The following TENM2 variants were observed in gnomAD, a reference collection of about 807,000 sequenced individuals.
The protein encoded by TENM2 is teneurin-2.
A neutral mutation model predicts 245.2 loss-of-function variants in TENM2; 52 were observed. The observed-to-expected ratio is 0.21, with a 90% CI of 0.17 to 0.27. The LOEUF (loss-of-function observed/expected upper bound fraction) is 0.27. Among genes scored for constraint, TENM2 ranks in the 10% least tolerant of loss-of-function variants. The pLI, the probability that TENM2 is intolerant of heterozygous loss-of-function variation, is 1.00. For missense variants in TENM2, 3,046 were observed against 3,666.8 expected (o/e 0.83, Z 4.37); for synonymous variants, 1,363 against 1,438.9 (o/e 0.95, Z 1.19).
chr5:168,100,254 G>T (rs1157917864), intron 9 of TENM2, among the ~76,000 whole-genome samples: 1 of 152,186 alleles, frequency 6.6e-6, no homozygotes, highest in East Asian at 1.9e-4. Flanking sequence ...AGAGGATCTG[G>T]AGAAATAGGA....
At chr5:167,547,720 G>A (rs1178165708) in intron 2 of TENM2, among the ~76,000 whole-genome samples, 1 of 152,178 alleles carries the variant, frequency 6.6e-6, no homozygotes, top group East Asian at 1.9e-4. Context: ...GCTGAGTATA[G>A]CCTCATAATA....
chr5:168,020,805 G>A (rs1436897569), intron 5 of TENM2, among the ~76,000 whole-genome samples: 4 of 152,028 alleles, frequency 2.6e-5, no homozygotes, highest in African/African-American at 7.3e-5. Context: ...GCCTGATATC[G>A]TTAGAAAGGT....
chr5:167,328,239 G>C (rs1434576106), intron 1 of TENM2, among the ~76,000 whole-genome samples: 1 of 52,698 alleles, frequency 1.9e-5, no homozygotes, highest in Non-Finnish European at 3.4e-5. Context: ...ATGGATTTTT[G>C]CTCTGTCGCC....
intron 1 of TENM2, chr5:167,308,165 T>A (rs1755792401): frequency 6.6e-6 from 1 of 152,280 alleles, no homozygotes; most frequent in African/African-American, 2.4e-5. Flanking sequence ...TCTGCACTAA[T>A]CTTTCAGCAA....
chr5:167,396,261 T>C (rs1432279662), intron 2 of TENM2, among the ~76,000 whole-genome samples: 2 of 152,074 alleles, frequency 1.3e-5, no homozygotes, highest in African/African-American at 2.4e-5. Context: ...ATACATACAA[T>C]AGAATATTAT....
At chr5:167,246,633 T>C in the TENM2 span, among the ~76,000 whole-genome samples, 1 of 152,116 alleles carries the variant, frequency 6.6e-6, no homozygotes, top group Non-Finnish European at 1.5e-5. Flanking sequence ...TCAAATTCTT[T>C]TGTGCCTTGA....
At chr5:167,950,420 C>T (rs542735064) in intron 3 of TENM2, among the ~76,000 whole-genome samples, 1 of 152,160 alleles carries the variant, frequency 6.6e-6, no homozygotes, top group African/African-American at 2.4e-5. Flanking sequence ...CTTTATATGG[C>T]CTCTTTGTAC....
chr5:167,078,131 G>A, the TENM2 span, among the ~76,000 whole-genome samples: 5 of 152,000 alleles, frequency 3.3e-5, no homozygotes, highest in African/African-American at 7.3e-5. Context: ...GGTCAAGTGG[G>A]TATGTTTGTG....
intron 2 of TENM2, among the ~76,000 whole-genome samples, chr5:167,602,589 A>C (rs1378688912): frequency 1.3e-5 from 2 of 152,218 alleles, no homozygotes; most frequent in Non-Finnish European, 2.9e-5. Flanking sequence ...AGACTTGCTC[A>C]AGTCCATTGA....
At chr5:167,752,762 G>T (rs1203830703) in intron 2 of TENM2, among the ~76,000 whole-genome samples, 1 of 152,150 alleles carries the variant, frequency 6.6e-6, no homozygotes, top group Non-Finnish European at 1.5e-5. Context: ...AAATAAAGTG[G>T]TTAGGCTGAC....
At chr5:168,212,764 G>A (rs550254242) in intron 20 of TENM2, among the ~76,000 whole-genome samples, 1 of 152,256 alleles carries the variant, frequency 6.6e-6, no homozygotes, top group East Asian at 1.9e-4. Flanking sequence ...CATTTTTCCA[G>A]GAAATTCACC....
chr5:167,626,824 C>T (rs1242389604), intron 2 of TENM2, among the ~76,000 whole-genome samples: 1 of 152,160 alleles, frequency 6.6e-6, no homozygotes, highest in South Asian at 2.1e-4. Context: ...ACACCAGCCC[C>T]AACTGACAAG....
the TENM2 span, among the ~76,000 whole-genome samples, chr5:167,183,094 G>T: frequency 1.3e-5 from 2 of 152,092 alleles, no homozygotes; most frequent in African/African-American, 4.8e-5. Flanking sequence ...TGCATTTAAA[G>T]GCCCATTATG....
At chr5:168,038,715 C>G (rs1787920510) in intron 5 of TENM2, among the ~76,000 whole-genome samples, 1 of 152,192 alleles carries the variant, frequency 6.6e-6, no homozygotes, top group African/African-American at 2.4e-5. Context: ...TTGACATGAA[C>G]CTGGCATATA....
Position 167,966,192 on chromosome 5 carries a change from A to G in TENM2, c.947+13370A>G, listed in dbSNP as rs140531608. ...GTGGTGGCAGCATAGCATATGATTTACGGGGAGAGGTTTTATGCCCTGCAT... is the reference window on the plus strand; with the variant it reads ...GTGGTGGCAGCATAGCATATGATTTGCGGGGAGAGGTTTTATGCCCTGCAT... On this transcript the variant is annotated intron_variant, in intron 4 of 28. Transcript: ENST00000518659. Among the ~76,000 whole-genome samples, 730 of 152,352 alleles carry G rather than the reference A, an allele frequency of 4.8e-3. 1 individual carries two copies. Among genetic ancestry groups the G allele is most frequent in the Non-Finnish European group, 6.5e-3 (443 of 68,026 alleles).
At chr5:168,245,063 G>A (rs528983987) in intron 26 of TENM2, among the ~76,000 whole-genome samples, 1 of 152,018 alleles carries the variant, frequency 6.6e-6, no homozygotes, top group Non-Finnish European at 1.5e-5. Context: ...CACCGCACCT[G>A]ACCATTTCTG....
upstream of TENM2, among the ~76,000 whole-genome samples, chr5:167,283,549 T>C (rs746064539): frequency 2.0e-5 from 3 of 152,206 alleles, no homozygotes; most frequent in Non-Finnish European, 2.9e-5. Context: ...TATCTTATTA[T>C]AGTGTGGTAA....
chr5:167,279,081 A>G, the TENM2 span, among the ~76,000 whole-genome samples: 1 of 152,192 alleles, frequency 6.6e-6, no homozygotes, highest in Non-Finnish European at 1.5e-5. Flanking sequence ...CTTTTATTTC[A>G]GTACTTGAAA....
At chr5:168,104,039 TG>T (rs991619525) in intron 9 of TENM2, among the ~76,000 whole-genome samples, 40 of 151,786 alleles carry the variant, frequency 2.6e-4, no homozygotes, top group African/African-American at 9.7e-4. Context: ...TTTGTTTGTT[TG>T]TTTTTTGAGA....
Sources: allele counts gnomAD v4.1 joint callset (sites outside exome capture counted in the v4.1 genomes callset), GRCh38; gene constraint gnomAD v4.1.1; transcripts MANE v1.5; gene names NCBI Gene and HGNC (gene_info 2026-07-23, HGNC 2026-07-21).